CLIP1: variants seen among roughly 807,000 people sequenced by gnomAD.
The protein encoded by CLIP1 is CAP-Gly domain-containing linker protein 1.
In CLIP1, 66 loss-of-function variants were observed where a neutral mutation model predicts 161.6. That is an observed-to-expected ratio of 0.41 (90% confidence interval 0.33 to 0.50). CLIP1 has a LOEUF of 0.50. CLIP1 is among the 20% of genes least tolerant of loss of function. The pLI is 0.27. For missense variants in CLIP1, 1,376 were observed against 1,702.0 expected (o/e 0.81, Z 3.37); for synonymous variants, 598 against 626.2 (o/e 0.96, Z 0.67).
chr12:122,365,474 G>A (rs1252172960), intron 3 of CLIP1: 8 of 787,604 alleles, frequency 1.0e-5, no homozygotes, highest in Admixed American at 3.4e-5. Context: ...CCTGAAACGC[G>A]TGAAGGAAAA....
At chr12:122,293,698 G>A (rs918628277) in intron 20 of CLIP1, among the ~76,000 whole-genome samples, 4 of 151,706 alleles carry the variant, frequency 2.6e-5, no homozygotes, top group East Asian at 1.9e-4. Context: ...GGCTGGTCTC[G>A]AACTCCTGAC....
chr12:122,391,249 C>G (rs867827703), intron 1 of CLIP1, among the ~76,000 whole-genome samples: 5 of 151,660 alleles, frequency 3.3e-5, no homozygotes, highest in Admixed American at 6.6e-5. Flanking sequence ...GACCATGTCA[C>G]TGCACTCCAG....
intron 5 of CLIP1, among the ~76,000 whole-genome samples, chr12:122,359,133 C>T (rs1953652438): frequency 6.6e-6 from 1 of 152,072 alleles, no homozygotes. Flanking sequence ...TTTTCTAAAA[C>T]AGAAATACAT....
chr12:122,403,402 C>T (rs1445270109), intron 1 of CLIP1, among the ~76,000 whole-genome samples: 2 of 151,212 alleles, frequency 1.3e-5, no homozygotes, highest in Non-Finnish European at 2.9e-5. Context: ...ACTGAGCTAC[C>T]GATGAAAAAT....
intron 4 of CLIP1, among the ~76,000 whole-genome samples, chr12:122,363,495 CAA>C (rs528966555): frequency 6.9e-4 from 76 of 110,210 alleles, no homozygotes; most frequent in East Asian, 7.7e-4. Context: ...GGCCCTGTCT[CAA>C]AAAAAAAAAA....
In CLIP1 at chr12:122,355,346, G is replaced by A. The variant is rs549495980; in HGVS notation, c.1006-34C>T. 1.3e-6 allele frequency: 2 copies of A among 1,590,538 alleles called. No homozygotes were observed. Among genetic ancestry groups the A allele is most frequent in the South Asian group, 1.1e-5 (1 of 90,160 alleles). ...GAAAGTTAGAGAAATGAAGGGCGAT[G>A]ATGCTGTCAGAAAAGCGAGGGAGGC... On this transcript the variant is annotated intron_variant, in intron 5 of 25. Transcript: ENST00000620786. This position sits in a 1 kb window ranked among gnomAD's most constrained non-coding sequence, Gnocchi z 4.1.
At chr12:122,308,356 TTCCAAG>T (rs1443935099) in intron 20 of CLIP1, among the ~76,000 whole-genome samples, 3 of 152,246 alleles carry the variant, frequency 2.0e-5, no homozygotes, top group Non-Finnish European at 4.4e-5. Flanking sequence ...AGTCCTTCTC[TTCCAAG>T]TCCCTGTGGA....
chr12:122,310,546 T>C (rs956846434), intron 19 of CLIP1, among the ~76,000 whole-genome samples: 6 of 152,240 alleles, frequency 3.9e-5, no homozygotes, highest in African/African-American at 9.6e-5. Context: ...TGCTAACTTA[T>C]ACCGTGAATA....
intron 7 of CLIP1, 86 bp from the exon 8 acceptor site, chr12:122,352,872 C>A (rs1187692386): frequency 8.4e-7 from 1 of 1,184,260 alleles, no homozygotes; most frequent in South Asian, 1.2e-5. Context: ...CAAAAAAACA[C>A]GTTGGGCATG....
chr12:122,378,481 G>A (rs1367058704), intron 2 of CLIP1, among the ~76,000 whole-genome samples: 2 of 152,126 alleles, frequency 1.3e-5, no homozygotes, highest in African/African-American at 2.4e-5. Context: ...GCTAAACTCC[G>A]CAAACTGGTA....
At chr12:122,398,611 T>C (rs1309810717) in intron 1 of CLIP1, among the ~76,000 whole-genome samples, 1 of 152,022 alleles carries the variant, frequency 6.6e-6, no homozygotes, top group Non-Finnish European at 1.5e-5. Flanking sequence ...CTCACACCTA[T>C]AATCCCAGCA....
intron 20 of CLIP1, among the ~76,000 whole-genome samples, chr12:122,296,912 G>A (rs1407146390): frequency 6.7e-6 from 1 of 149,814 alleles, no homozygotes; most frequent in Non-Finnish European, 1.5e-5. Flanking sequence ...TAGAGAGGAT[G>A]AATGGGAGTA....
At chr12:122,417,537 G>C (rs1164241995) in intron 1 of CLIP1, among the ~76,000 whole-genome samples, 12 of 145,816 alleles carry the variant, frequency 8.2e-5, no homozygotes, top group Non-Finnish European at 6.0e-5. Flanking sequence ...TTTTGAAACG[G>C]AGTCTCGCTC....
chr12:122,288,433 C>T (rs1009019082), intron 21 of CLIP1, 56 bp downstream of exon 21: 3 of 1,447,806 alleles, frequency 2.1e-6, no homozygotes, highest in Non-Finnish European at 2.8e-6. Flanking sequence ...CCACACATAT[C>T]ATGTTCTGAC....
Position 122,278,575 on chromosome 12 carries a change from T to C in CLIP1, c.3916+217A>G, listed in dbSNP as rs372544225. The C allele has an allele frequency of 9.0e-4, 485 of 539,150 alleles. 7 individuals are homozygous for C. In the South Asian group the frequency reaches 0.015, roughly 16 times the overall value. 33.4% of individuals were successfully genotyped at this position (539,150 alleles called of 1,614,324 possible). A position where few individuals can be genotyped will look rare whatever the true frequency, so the allele number is the denominator to read the frequency against. ...TCTGGATGGCAGCAGGCAGCCATCATAGTAGGTTTGTGACAATATTGACAG... is the reference window on the plus strand; with the variant it reads ...TCTGGATGGCAGCAGGCAGCCATCACAGTAGGTTTGTGACAATATTGACAG... On this transcript the variant is annotated intron_variant, in intron 23 of 25. Coordinates refer to ENST00000620786, the MANE Select transcript of CLIP1 (RefSeq NM_001247997.2).
At chr12:122,298,147 G>C (rs111941698) in intron 20 of CLIP1, among the ~76,000 whole-genome samples, 1 of 151,968 alleles carries the variant, frequency 6.6e-6, no homozygotes, top group Non-Finnish European at 1.5e-5. Context: ...AGCATACTTC[G>C]GTAAGTATCA....
chr12:122,358,270 T>C (rs1265984635), intron 5 of CLIP1, among the ~76,000 whole-genome samples: 2 of 151,374 alleles, frequency 1.3e-5, no homozygotes, highest in African/African-American at 4.9e-5. Context: ...CACCACTCCC[T>C]AATCTCAAGT....
intron 1 of CLIP1, among the ~76,000 whole-genome samples, chr12:122,390,283 T>TAC (rs1479429928): frequency 1.4e-5 from 1 of 74,044 alleles, no homozygotes; most frequent in African/African-American, 3.6e-5. Flanking sequence ...TATATACATA[T>TAC]ATATATATAT....
At chr12:122,405,077 G>A (rs1207312685) in intron 1 of CLIP1, among the ~76,000 whole-genome samples, 1 of 152,110 alleles carries the variant, frequency 6.6e-6, no homozygotes, top group Non-Finnish European at 1.5e-5. Context: ...AAAAACACAT[G>A]CCTTTCACAT....
Sources: allele counts gnomAD v4.1 joint callset (sites outside exome capture counted in the v4.1 genomes callset), GRCh38; gene constraint gnomAD v4.1.1; non-coding constraint Gnocchi (gnomAD v3.1); transcripts MANE v1.5; gene names NCBI Gene and HGNC (gene_info 2026-07-23, HGNC 2026-07-21).